Variants in NSMCE2 observed in about 807,000 individuals in gnomAD.
NSMCE2 encodes E3 SUMO-protein ligase NSE2.
In NSMCE2, 24 loss-of-function variants were observed where a neutral mutation model predicts 23.8. The ratio of observed to expected loss-of-function variants is 1.01; its 90% CI spans 0.73 to 1.42. The LOEUF (loss-of-function observed/expected upper bound fraction) is 1.42. Ranked by LOEUF, NSMCE2 falls within the 40% of genes most tolerant of loss-of-function variation. The pLI, the probability that NSMCE2 is intolerant of heterozygous loss-of-function variation, is 0.00. For missense variants in NSMCE2, 284 were observed against 296.5 expected, an observed-to-expected ratio of 0.96 and a Z score of 0.31; for synonymous variants, 92 against 94.1, an observed-to-expected ratio of 0.98 and a Z score of 0.13.
At chr8:125,319,524 T>G (rs560879873) in intron 5 of NSMCE2, among the ~76,000 whole-genome samples, 14 of 152,084 alleles carry the variant, frequency 9.2e-5, no homozygotes, top group African/African-American at 3.4e-4. Flanking sequence ...GGAAGGTAGG[T>G]GTGTGTGTGT....
intron 4 of NSMCE2, among the ~76,000 whole-genome samples, chr8:125,170,698 G>A (rs995960983): frequency 2.6e-5 from 4 of 151,944 alleles, no homozygotes; most frequent in South Asian, 4.1e-4. Flanking sequence ...GTGAGCCACC[G>A]CACCCAGCCA....
intron 5 of NSMCE2, among the ~76,000 whole-genome samples, chr8:125,248,181 G>A (rs973478848): frequency 2.0e-5 from 3 of 152,034 alleles, no homozygotes; most frequent in African/African-American, 7.3e-5. Flanking sequence ...AACAGTCCGG[G>A]GTGTTTATAT....
At chr8:125,306,657 T>C (rs1828778421) in intron 5 of NSMCE2, among the ~76,000 whole-genome samples, 1 of 152,216 alleles carries the variant, frequency 6.6e-6, no homozygotes, top group South Asian at 2.1e-4. Context: ...TCCCAAGCCT[T>C]CATATTGCAC....
At chr8:125,212,833 A>C (rs952476298) in intron 5 of NSMCE2, among the ~76,000 whole-genome samples, 2 of 152,210 alleles carry the variant, frequency 1.3e-5, no homozygotes, top group Non-Finnish European at 2.9e-5. Context: ...CCGGGTTCTA[A>C]TCACCGAGGC....
intron 4 of NSMCE2, among the ~76,000 whole-genome samples, chr8:125,175,623 CAT>C (rs1822448236): frequency 6.6e-6 from 1 of 152,154 alleles, no homozygotes; most frequent in Non-Finnish European, 1.5e-5. Flanking sequence ...TAGATTCTCA[CAT>C]GATTCAAAAA....
intron 5 of NSMCE2, among the ~76,000 whole-genome samples, chr8:125,185,030 A>G (rs550246525): frequency 6.6e-6 from 1 of 152,338 alleles, no homozygotes; most frequent in Admixed American, 6.5e-5. Flanking sequence ...TTATGAAAAT[A>G]ACCACCATGT....
chr8:125,321,431 T>C (rs1334141239), intron 5 of NSMCE2, among the ~76,000 whole-genome samples: 1 of 152,210 alleles, frequency 6.6e-6, no homozygotes, highest in Non-Finnish European at 1.5e-5. Context: ...CCCAGGCAAC[T>C]GGCTTCGTGG....
chr8:125,283,607 T>G (rs10093674), intron 5 of NSMCE2, among the ~76,000 whole-genome samples: 6,145 of 152,244 alleles, frequency 0.04, 380 homozygotes, highest in African/African-American at 0.14. Context: ...TTAATTAACC[T>G]CTGTGAATAT....
chr8:125,283,024 G>C (rs1357502228), intron 5 of NSMCE2, among the ~76,000 whole-genome samples: 1 of 152,192 alleles, frequency 6.6e-6, no homozygotes, highest in Admixed American at 6.5e-5. Flanking sequence ...TGTGCTTCTT[G>C]ACAGCTGTGT....
intron 3 of NSMCE2, among the ~76,000 whole-genome samples, chr8:125,102,713 A>G (rs1425911006): frequency 6.6e-6 from 1 of 152,212 alleles, no homozygotes; most frequent in Non-Finnish European, 1.5e-5. Flanking sequence ...TGCGCTAGAA[A>G]TGTATGGGCA....
chr8:125,091,880 G>GA lies in NSMCE2; in HGVS notation c.-187dup, dbSNP rs1470053513. 6.6e-6 allele frequency: 1 copy of GA among 152,438 alleles called. No individual in the cohort carries two copies. Among genetic ancestry groups the GA allele is most frequent in the Non-Finnish European group, 1.5e-5 (1 of 68,204 alleles). The allele number at this position is 152,438 out of a possible 1,614,324, so 9.4% of individuals were successfully genotyped here. ...CCGCTCTCACTTTTCAGCGGCAGGC[G>GA]AAGGGGGCTGAGGAAAGGAGGTGGG... On this transcript the variant is annotated 5_prime_UTR_variant, in exon 1 of 8. Transcript: ENST00000287437.
intron 4 of NSMCE2, among the ~76,000 whole-genome samples, chr8:125,158,382 A>G (rs1042011710): frequency 6.6e-6 from 1 of 152,174 alleles, no homozygotes; most frequent in Non-Finnish European, 1.5e-5. Flanking sequence ...ATGATATGAG[A>G]AAAAGGAGAG....
intron 4 of NSMCE2, among the ~76,000 whole-genome samples, chr8:125,164,913 T>A (rs187740346): frequency 3.3e-5 from 5 of 152,344 alleles, no homozygotes; most frequent in Admixed American, 3.3e-4. Context: ...ATTGTTTTCT[T>A]CTTGCCAGGT....
At chr8:125,298,200 C>T (rs763796344) in intron 5 of NSMCE2, among the ~76,000 whole-genome samples, 51 of 152,184 alleles carry the variant, frequency 3.4e-4, no homozygotes, top group Non-Finnish European at 6.2e-4. Flanking sequence ...GCAGAGGTTG[C>T]AGTGAGCTGA....
intron 5 of NSMCE2, among the ~76,000 whole-genome samples, chr8:125,305,282 C>T (rs1187125200): frequency 6.6e-6 from 1 of 152,160 alleles, no homozygotes; most frequent in East Asian, 1.9e-4. Context: ...GTATCATTGC[C>T]ATTTTACTAC....
intron 5 of NSMCE2, among the ~76,000 whole-genome samples, chr8:125,228,253 C>A (rs1401359505): frequency 6.6e-6 from 1 of 152,018 alleles, no homozygotes; most frequent in African/African-American, 2.4e-5. Context: ...AATTTTACTT[C>A]TTTCTAAAGT....
intron 5 of NSMCE2, among the ~76,000 whole-genome samples, chr8:125,230,551 TC>T (rs1274146287): frequency 6.6e-6 from 1 of 152,226 alleles, no homozygotes; most frequent in Non-Finnish European, 1.5e-5. Context: ...TTAACTTTCT[TC>T]CTTTTGTCTC....
chr8:125,102,882 G>T (rs1211545451), intron 3 of NSMCE2, among the ~76,000 whole-genome samples: 7 of 152,140 alleles, frequency 4.6e-5, no homozygotes, highest in Admixed American at 4.6e-4. Flanking sequence ...TTATGCTAGG[G>T]ATACCAGCAA....
intron 3 of NSMCE2, among the ~76,000 whole-genome samples, chr8:125,121,567 G>A (rs1341501609): frequency 1.3e-5 from 2 of 152,162 alleles, no homozygotes; most frequent in African/African-American, 4.8e-5. Flanking sequence ...CAAATGAGGA[G>A]ACCATGAATC....
Sources: gnomAD v4.1 joint callset for allele counts (sites outside exome capture counted in the v4.1 genomes callset) on GRCh38, gnomAD v4.1.1 for gene constraint, MANE v1.5 for transcripts, NCBI Gene and HGNC (gene_info 2026-07-23, HGNC 2026-07-21) for gene names.